Variants in SKAP2 observed in about 807,000 individuals in gnomAD.
The protein encoded by SKAP2 is src kinase associated phosphoprotein 2, also known as src kinase-associated phosphoprotein 2.
SKAP2 carries 28 observed loss-of-function variants against 54.9 expected under a neutral mutation model. The observed-to-expected ratio is 0.51, with a 90% CI of 0.38 to 0.70. The LOEUF is 0.70. SKAP2 is among the 30% of genes least tolerant of loss of function. SKAP2 has a pLI of 0.00. For missense variants in SKAP2, 356 were observed against 424.1 expected (o/e 0.84, Z 1.41); for synonymous variants, 137 against 134.3 (o/e 1.02, Z -0.14).
chr7:26,700,739 A>G (rs1264470543), intron 9 of SKAP2, among the ~76,000 whole-genome samples: 1 of 152,014 alleles, frequency 6.6e-6, no homozygotes, highest in East Asian at 1.9e-4. Context: ...TCTACATAAA[A>G]CTGTCTTAGA....
intron 4 of SKAP2, among the ~76,000 whole-genome samples, chr7:26,759,207 T>TA (rs1010008964): frequency 6.6e-6 from 1 of 152,162 alleles, no homozygotes; most frequent in Non-Finnish European, 1.5e-5. Context: ...GACACAACCT[T>TA]AACCATAACA....
In SKAP2 at chr7:26,864,055, T is replaced by TCACACACACACACACACACACA. The variant is rs35995014; in HGVS notation, c.67+286_67+307dup. ...CCACTCTTCCTCCCCCGCCCTTCTG[T>TCACACACACACACACACACACA]CACACACACACACACACACACACAC... On this transcript the variant is annotated intron_variant, in intron 1 of 12. Coordinates refer to ENST00000345317, the MANE Select transcript of SKAP2 (RefSeq NM_003930.5). Among the ~76,000 whole-genome samples the TCACACACACACACACACACACA allele has an allele frequency of 7.0e-4, 101 of 143,432 alleles. No homozygotes were observed. In the South Asian group the frequency reaches 9.4e-3, roughly 13 times the overall value. 94.1% of individuals were successfully genotyped at this position (143,432 alleles called of 152,430 possible). A position where few individuals can be genotyped will look rare whatever the true frequency, so the allele number is the denominator to read the frequency against.
At chr7:26,752,688 T>C (rs1782711928) in intron 4 of SKAP2, among the ~76,000 whole-genome samples, 1 of 152,202 alleles carries the variant, frequency 6.6e-6, no homozygotes, top group South Asian at 2.1e-4. Context: ...CCATATCCTT[T>C]AACAAGCAGC....
chr7:26,848,380 C>G (rs183759959), intron 3 of SKAP2, among the ~76,000 whole-genome samples: 1 of 152,134 alleles, frequency 6.6e-6, no homozygotes, highest in African/African-American at 2.4e-5. Context: ...AGTATGACAA[C>G]ACAAATGGAA....
rs371849780 is a variant in SKAP2 at position 26,850,399 on chromosome 7, G to A, written c.199+3738C>T. On this transcript the variant is annotated intron_variant, in intron 3 of 12. Coordinates refer to ENST00000345317, the MANE Select transcript of SKAP2 (RefSeq NM_003930.5). ...GTTCAAGACCAGCCTGGGCAACATG[G>A]CGAAAACCCATCTCTACAAAAAAAT... Among the ~76,000 whole-genome samples the A allele has an allele frequency of 4.6e-5, 7 of 151,894 alleles. No homozygotes were observed. The East Asian group carries it at 1.2e-3, about 25-fold the overall frequency.
At chr7:26,673,599 CA>C (rs2128084238) in intron 11 of SKAP2, among the ~76,000 whole-genome samples, 1 of 152,056 alleles carries the variant, frequency 6.6e-6, no homozygotes, top group African/African-American at 2.4e-5. Context: ...AAAAGAAATT[CA>C]ATATCTGCAA....
chr7:26,708,080 G>A (rs1361593101), intron 9 of SKAP2, among the ~76,000 whole-genome samples: 1 of 152,222 alleles, frequency 6.6e-6, no homozygotes, highest in Non-Finnish European at 1.5e-5. Context: ...GCAAATTCCT[G>A]TGTGGCCAGC....
chr7:26,727,028 A>C, intron 6 of SKAP2, 22 bp from the exon 7 acceptor site: 2 of 1,562,904 alleles, frequency 1.3e-6, no homozygotes, highest in Non-Finnish European at 1.7e-6. Context: ...AAAACCAGTT[A>C]GAATTTCATT....
intron 4 of SKAP2, among the ~76,000 whole-genome samples, chr7:26,794,869 T>A (rs1031313102): frequency 6.6e-6 from 1 of 152,270 alleles, no homozygotes; most frequent in South Asian, 2.1e-4. Context: ...AAGGTGGATA[T>A]CTTGTCCAGC....
chr7:26,765,231 T>G (rs1372242242), intron 4 of SKAP2, among the ~76,000 whole-genome samples: 2 of 152,262 alleles, frequency 1.3e-5, no homozygotes, highest in Non-Finnish European at 2.9e-5. Context: ...TAATGACCAG[T>G]GATGATGAGC....
At chr7:26,769,963 A>G (rs1783148601) in intron 4 of SKAP2, among the ~76,000 whole-genome samples, 1 of 152,190 alleles carries the variant, frequency 6.6e-6, no homozygotes, top group Non-Finnish European at 1.5e-5. Flanking sequence ...TCTGACCCTT[A>G]GCAGAGCTTG....
chr7:26,659,535 T>C, the SKAP2 span, among the ~76,000 whole-genome samples: 1 of 152,208 alleles, frequency 6.6e-6, no homozygotes, highest in African/African-American at 2.4e-5. Context: ...TGTAAATTTA[T>C]TGACAATTTT....
At chr7:26,749,942 A>G (rs1782645304) in intron 4 of SKAP2, among the ~76,000 whole-genome samples, 1 of 98,322 alleles carries the variant, frequency 1.0e-5, no homozygotes, top group African/African-American at 3.5e-5. Flanking sequence ...TTGAGCCTTT[A>G]CCATGAGTTA....
chr7:26,795,109 T>G (rs1783747055), intron 4 of SKAP2, among the ~76,000 whole-genome samples: 1 of 152,124 alleles, frequency 6.6e-6, no homozygotes, highest in South Asian at 2.1e-4. Context: ...GTCCTAAAAG[T>G]TCAAAAGAGA....
chr7:26,825,242 C>A (rs929369485), intron 4 of SKAP2, among the ~76,000 whole-genome samples: 1 of 152,078 alleles, frequency 6.6e-6, no homozygotes, highest in African/African-American at 2.4e-5. Flanking sequence ...TTAATACTAG[C>A]CTTACTTTAA....
At position 26,726,881 on chromosome 7, in the gene SKAP2, C is replaced by T. The variant is rs1787720440; in HGVS notation, c.594+1G>A. ...TTTCAAGGCAACATAAAAACTACAACCTGATATATACGTTTATCAGGAGCA... is the reference window on the plus strand; with the variant it reads ...TTTCAAGGCAACATAAAAACTACAATCTGATATATACGTTTATCAGGAGCA... On this transcript the variant is annotated splice_donor_variant, in intron 7 of 12. Transcript: ENST00000345317. LOFTEE classifies it high-confidence loss of function. The T allele has an allele frequency of 6.3e-7, 1 of 1,597,684 alleles. No homozygotes were observed. The highest frequency in any genetic ancestry group is 1.4e-5 in the African/African-American group (1 of 74,044).
At chr7:26,762,477 C>A (rs1584375194) in intron 4 of SKAP2, among the ~76,000 whole-genome samples, 1 of 152,132 alleles carries the variant, frequency 6.6e-6, no homozygotes, top group East Asian at 1.9e-4. Context: ...GTACATGTAT[C>A]ATCCACACAC....
chr7:26,701,483 AGCACTTTGGGAG>A (rs1475687129), intron 9 of SKAP2, among the ~76,000 whole-genome samples: 1 of 152,170 alleles, frequency 6.6e-6, no homozygotes, highest in Admixed American at 6.5e-5. Context: ...CTGTAATCCC[AGCACTTTGGGAG>A]GCCAAGGCAG....
rs1190401406 is a variant in SKAP2, at chr7:26,804,669, G to A, written c.307+39361C>T. Among the ~76,000 whole-genome samples the A allele has an allele frequency of 5.9e-5, 9 of 151,464 alleles. No individual in the cohort carries two copies. The East Asian group carries it at 1.6e-3, about 26-fold the overall frequency. On this transcript the variant is annotated intron_variant, in intron 4 of 12. Transcript: ENST00000345317. ...CAGGAGAATCACTTGAACCCGGGAG[G>A]CGGAGGTTGCAGTGAGCCGAAATAG...
Sources: gnomAD v4.1 joint callset for allele counts (sites outside exome capture counted in the v4.1 genomes callset) on GRCh38, gnomAD v4.1.1 for gene constraint, MANE v1.5 for transcripts, NCBI Gene and HGNC (gene_info 2026-07-23, HGNC 2026-07-21) for gene names.